The following CDC73 variants were observed in gnomAD, a reference collection of about 807,000 sequenced individuals.
CDC73 encodes cell division cycle 73.
In CDC73, 21 loss-of-function variants were observed where a neutral mutation model predicts 83.7. That is an observed-to-expected ratio of 0.25 (90% CI 0.18 to 0.36). The LOEUF (loss-of-function observed/expected upper bound fraction) is 0.36, where lower values mean the gene tolerates loss of function less well. CDC73 is among the 10% of genes least tolerant of loss of function. CDC73 has a pLI of 1.00. For synonymous variants in CDC73, 224 were observed against 212.9 expected, an observed-to-expected ratio of 1.05 and a Z score of -0.45; for missense variants, 342 against 653.3, an observed-to-expected ratio of 0.52 and a Z score of 5.19.
chr1:193,159,493 C>G (rs1676269711), intron 10 of CDC73, among the ~76,000 whole-genome samples: 1 of 152,162 alleles, frequency 6.6e-6, no homozygotes, highest in African/African-American at 2.4e-5. Context: ...GCCTCAGCCT[C>G]CCAAGTAGCT....
intron 10 of CDC73, among the ~76,000 whole-genome samples, chr1:193,177,233 A>G (rs958101819): frequency 1.3e-5 from 2 of 151,654 alleles, no homozygotes; most frequent in African/African-American, 4.8e-5. Flanking sequence ...GATTAAGAAC[A>G]TGATCCTCGG....
At chr1:193,198,541 T>G (rs1677039996) in intron 10 of CDC73, among the ~76,000 whole-genome samples, 2 of 152,228 alleles carry the variant, frequency 1.3e-5, no homozygotes, top group African/African-American at 4.8e-5. Context: ...TTTTCCAGCC[T>G]TCAGAATTTT....
At chr1:193,249,678 CTTTTT>C in intron 15 of CDC73, 47 bp from the exon 16 acceptor site, 2 of 1,442,288 alleles carry the variant, frequency 1.4e-6, no homozygotes. Context: ...AAATTTTTTT[CTTTTT>C]TTTTATTTTG....
At chr1:193,181,155 G>A in intron 10 of CDC73, 1 of 1,613,800 alleles carries the variant, frequency 6.2e-7, no homozygotes, top group South Asian at 1.1e-5. Flanking sequence ...TAATATATTT[G>A]AAATGGTAAG....
At chr1:193,238,452 A>G (rs1273362085) in intron 15 of CDC73, among the ~76,000 whole-genome samples, 1 of 152,196 alleles carries the variant, frequency 6.6e-6, no homozygotes, top group Non-Finnish European at 1.5e-5. Flanking sequence ...AATATTGGAT[A>G]CTGTTAACTT....
chr1:193,208,477 A>G (rs183174748), intron 11 of CDC73, among the ~76,000 whole-genome samples: 3 of 152,310 alleles, frequency 2.0e-5, no homozygotes, highest in African/African-American at 7.2e-5. Flanking sequence ...TGGAATTTAA[A>G]ACAAAAACTC....
intron 14 of CDC73, among the ~76,000 whole-genome samples, chr1:193,234,214 CACACACAT>C (rs1442413762): frequency 0.025 from 598 of 24,064 alleles, 3 homozygotes; most frequent in Non-Finnish European, 0.043. Context: ...CACACACACA[CACACACAT>C]ATATATATTT....
At chr1:193,212,922 A>C (rs2102039008) in intron 13 of CDC73, among the ~76,000 whole-genome samples, 1 of 152,184 alleles carries the variant, frequency 6.6e-6, no homozygotes, top group South Asian at 2.1e-4. Context: ...ATGATGATAA[A>C]ATTTCCAAAT....
intron 6 of CDC73, among the ~76,000 whole-genome samples, 188 bp from the exon 7 acceptor site, chr1:193,141,662 A>G (rs1375406974): frequency 3.9e-5 from 6 of 152,230 alleles, no homozygotes; most frequent in African/African-American, 9.6e-5. Context: ...TTAGAGTAAT[A>G]TCTCGACATG....
chr1:193,122,151 C>CGCGGCGGCA lies in CDC73; in HGVS notation c.-41_-33dup, dbSNP rs1274498628. On this transcript the variant is annotated 5_prime_UTR_variant, in exon 1 of 17. Coordinates refer to ENST00000367435, the MANE Select transcript of CDC73 (RefSeq NM_024529.5). ...GGCGACAAGAGAAGAAGGAGGCAGG[C>CGCGGCGGCA]GCGGCGGCAGCGGCGGCGCCCCGAG... 1 of 1,586,410 alleles carries CGCGGCGGCA rather than the reference C, an allele frequency of 6.3e-7. No homozygotes were observed. The highest frequency in any genetic ancestry group is 8.7e-7 in the Non-Finnish European group (1 of 1,155,978).
At chr1:193,232,061 T>G (rs766530498) in intron 13 of CDC73, among the ~76,000 whole-genome samples, 1 of 152,210 alleles carries the variant, frequency 6.6e-6, no homozygotes, top group Non-Finnish European at 1.5e-5. Context: ...ATTGCTAAGT[T>G]ATTTTTAAGA....
intron 2 of CDC73, among the ~76,000 whole-genome samples, chr1:193,129,487 A>AATTAATTTATTTATTTATTTATTT (rs142942063): frequency 7.0e-6 from 1 of 142,790 alleles, no homozygotes; most frequent in Admixed American, 7.0e-5. Flanking sequence ...TTCAAAAAGA[A>AATTAATTTATTTATTTATTTATTT]ATTTATTTAT....
intron 9 of CDC73, among the ~76,000 whole-genome samples, chr1:193,150,662 A>G (rs1018793412): frequency 6.6e-6 from 1 of 152,236 alleles, no homozygotes; most frequent in African/African-American, 2.4e-5. Context: ...GGCCCTTTAC[A>G]GAAAAAAAGT....
intron 15 of CDC73, among the ~76,000 whole-genome samples, chr1:193,241,468 A>G (rs1308625098): frequency 6.6e-6 from 1 of 152,196 alleles, no homozygotes; most frequent in Non-Finnish European, 1.5e-5. Flanking sequence ...TCCAGACATC[A>G]TCTTGGGTGC....
chr1:193,134,814 T>C (rs550062325), intron 3 of CDC73, among the ~76,000 whole-genome samples: 1 of 152,288 alleles, frequency 6.6e-6, no homozygotes, highest in African/African-American at 2.4e-5. Context: ...ATTTTGTATT[T>C]CTCATATCTA....
At chr1:193,230,941 T>C (rs1330288689) in intron 13 of CDC73, among the ~76,000 whole-genome samples, 1 of 152,196 alleles carries the variant, frequency 6.6e-6, no homozygotes, top group African/African-American at 2.4e-5. Context: ...AGAAAATACG[T>C]AGATATAATC....
intron 15 of CDC73, chr1:193,237,172 C>G (rs1007691727): frequency 6.6e-6 from 1 of 151,712 alleles, no homozygotes; most frequent in African/African-American, 2.4e-5. Flanking sequence ...CCTTGTGATC[C>G]ACCCATTAGT....
Position 193,135,430 on chromosome 1 carries a change from T to C in CDC73, c.347T>C (p.Ile116Thr). 6.2e-7 allele frequency: 1 copy of C among 1,613,832 alleles called. No individual in the cohort carries two copies. The highest frequency in any genetic ancestry group is 8.5e-7 in the Non-Finnish European group (1 of 1,179,778). The change falls in exon 4 of 17, where the codon ATA becomes ACA. Residue 116 changes from isoleucine (I) to threonine (T), a missense_variant. Transcript: ENST00000367435. ...ATAGACAGAAGCGCTCCCTTAGAAA[T>C]AGGTCTTCAGCGATCTACTCAAGGT... ...ASIDRSAPLE[I>T]GLQRSTQVKR...
intron 13 of CDC73, among the ~76,000 whole-genome samples, chr1:193,227,871 GTTA>G (rs1392723892): frequency 6.6e-6 from 1 of 152,140 alleles, no homozygotes; most frequent in Non-Finnish European, 1.5e-5. Context: ...ACTGTTGTTT[GTTA>G]TTTAAGGCTT....
Sources: gnomAD v4.1 joint callset for allele counts (sites outside exome capture counted in the v4.1 genomes callset) on GRCh38, gnomAD v4.1.1 for gene constraint, MANE v1.5 for transcripts, NCBI Gene and HGNC (gene_info 2026-07-23, HGNC 2026-07-21) for gene names.